The following APOL5 variants were observed in gnomAD, a reference collection of about 807,000 sequenced individuals.
APOL5 encodes apolipoprotein L5.
Under a neutral mutation model 35.5 loss-of-function variants are expected in APOL5, and 29 were observed. That is an observed-to-expected ratio of 0.82 (90% CI 0.61 to 1.11). The LOEUF (loss-of-function observed/expected upper bound fraction) is 1.11. APOL5 is among the 50% of genes most tolerant of loss of function. The pLI is 0.00. For synonymous variants in APOL5, 188 were observed against 200.2 expected, an observed-to-expected ratio of 0.94 and a Z score of 0.51; for missense variants, 514 against 530.4, an observed-to-expected ratio of 0.97 and a Z score of 0.30.
upstream of APOL5, among the ~76,000 whole-genome samples, chr22:35,714,704 G>A (rs934462286): frequency 1.1e-4 from 17 of 152,182 alleles, no homozygotes; most frequent in African/African-American, 4.8e-5. Context: ...CAGGGTGTCC[G>A]ACTGAGAAGA....
Position 35,720,604 on chromosome 22 carries a change from A to T in APOL5, c.92A>T (p.Lys31Met). ...GEGCKEMWLR[K>M]VIYGGEVWGK... Reference sequence around the variant, plus strand: ...GGTTGTAAAGAAATGTGGCTTCGAAAGGTAATCTACGGAGGTGAGGTCTGG... The same window carrying T: ...GGTTGTAAAGAAATGTGGCTTCGAATGGTAATCTACGGAGGTGAGGTCTGG... The change falls in exon 2 of 5, where the codon AAG becomes ATG. Residue 31 changes from lysine (K) to methionine (M), a missense_variant. Physicochemically the swap from Lys to Met is moderately conservative, Grantham distance 95 (BLOSUM62 -1). Coordinates refer to ENST00000249044, the MANE Select transcript of APOL5 (RefSeq NM_030642.1). 1 of 1,614,206 alleles carries T rather than the reference A, an allele frequency of 6.2e-7. No homozygotes were observed. The highest frequency in any genetic ancestry group is 8.5e-7 in the Non-Finnish European group (1 of 1,180,034).
chr22:35,728,528 T>C (rs1927257102), intron 3 of APOL5, among the ~76,000 whole-genome samples, 195 bp from the exon 4 acceptor site: 1 of 152,208 alleles, frequency 6.6e-6, no homozygotes, highest in African/African-American at 2.4e-5. Flanking sequence ...CGGCCGACTT[T>C]AGACATTTTT....
At chr22:35,708,844 T>C in the APOL5 span, among the ~76,000 whole-genome samples, 1 of 152,194 alleles carries the variant, frequency 6.6e-6, no homozygotes, top group Non-Finnish European at 1.5e-5. Flanking sequence ...TACTGTCATG[T>C]TGTGGGGACC....
upstream of APOL5, among the ~76,000 whole-genome samples, chr22:35,712,884 A>G (rs1323824939): frequency 6.6e-6 from 1 of 152,178 alleles, no homozygotes; most frequent in Non-Finnish European, 1.5e-5. Context: ...TGCCTCAAAA[A>G]CAAACTGCTT....
upstream of APOL5, among the ~76,000 whole-genome samples, chr22:35,716,966 A>G (rs1000301863): frequency 7.0e-6 from 1 of 142,446 alleles, no homozygotes; most frequent in African/African-American, 2.7e-5. Context: ...ACTTCAAATA[A>G]CTGGATGAAC....
chr22:35,716,969 G>A (rs1926763959), upstream of APOL5, among the ~76,000 whole-genome samples: 1 of 138,660 alleles, frequency 7.2e-6, no homozygotes, highest in African/African-American at 2.8e-5. Context: ...TCAAATAACT[G>A]GATGAACATC....
rs773535399 is a variant in APOL5 at position 35,727,212 on chromosome 22, A to G, written c.1126+18A>G. The stretch of plus-strand genomic sequence containing the variant: ...ACCAGAAGGTAGGAAGGCAGCGAAT[A>G]ACACGGACGTGGTCTTGCTCTTCTA... On this transcript the variant is annotated intron_variant, in intron 3 of 4. Coordinates refer to ENST00000249044, the MANE Select transcript of APOL5 (RefSeq NM_030642.1). The G allele has an allele frequency of 1.6e-5, 26 of 1,584,086 alleles. No homozygotes were observed. The South Asian group carries it at 2.3e-4, about 14-fold the overall frequency.
At chr22:35,721,998 T>A (rs1926986607) in intron 2 of APOL5, among the ~76,000 whole-genome samples, 1 of 152,208 alleles carries the variant, frequency 6.6e-6, no homozygotes, top group Non-Finnish European at 1.5e-5. Context: ...AGTTATTGAC[T>A]TCTCTGTGTC....
At chr22:35,718,272 G>A (rs535284125) in intron 1 of APOL5, among the ~76,000 whole-genome samples, 1 of 152,298 alleles carries the variant, frequency 6.6e-6, no homozygotes, top group South Asian at 2.1e-4. Flanking sequence ...CAGCAGGCAG[G>A]ACAAGGTGGC....
chr22:35,717,222 C>CAAAAAAA (rs71322978), upstream of APOL5, among the ~76,000 whole-genome samples: 5 of 66,880 alleles, frequency 7.5e-5, no homozygotes, highest in African/African-American at 3.9e-4. Flanking sequence ...TCCATCTCTA[C>CAAAAAAA]AAAAAAAAAA....
chr22:35,727,204 C>T lies in APOL5; in HGVS notation c.1126+10C>T, dbSNP rs768217644. The stretch of plus-strand genomic sequence containing the variant: ...GTGGTTAAACCAGAAGGTAGGAAGG[C>T]AGCGAATAACACGGACGTGGTCTTG... On this transcript the variant is annotated intron_variant, in intron 3 of 4. Transcript: ENST00000249044. 2.5e-6 allele frequency: 4 copies of T among 1,589,754 alleles called. No individual in the cohort carries two copies. Among genetic ancestry groups the T allele is most frequent in the Non-Finnish European group, 3.4e-6 (4 of 1,174,270 alleles).
intron 1 of APOL5, among the ~76,000 whole-genome samples, chr22:35,719,570 T>C (rs1201816753): frequency 6.6e-6 from 1 of 152,252 alleles, no homozygotes; most frequent in Non-Finnish European, 1.5e-5. Flanking sequence ...CAGAAGACTT[T>C]TGTGACTTAA....
At chr22:35,715,694 T>C (rs1926723473), upstream of APOL5, among the ~76,000 whole-genome samples, 1 of 152,172 alleles carries the variant, frequency 6.6e-6, no homozygotes, top group South Asian at 2.1e-4. Flanking sequence ...AAACTTAGTG[T>C]CATGAATGAT....
chr22:35,724,671 C>T (rs1340071942), intron 2 of APOL5, among the ~76,000 whole-genome samples: 2 of 151,934 alleles, frequency 1.3e-5, no homozygotes, highest in South Asian at 2.1e-4. Context: ...TGCTATGGCG[C>T]GATCTCGGCT....
In APOL5 at chr22:35,727,005, A is replaced by G. The variant is rs1927189575; in HGVS notation, c.937A>G (p.Ser313Gly). ...GAAAGACATGAGCAGCTTCCTGCAG[A>G]GCTGGAAGCACCTGGAGGATGGGGC... ...LMKDMSSFLQ[S>G]WKHLEDGART... Residue 313 changes from serine to glycine, a missense_variant, in exon 3 of 5, where the codon AGC (serine) becomes GGC (glycine). Physicochemically the swap from Ser to Gly is moderately conservative, Grantham distance 56. Transcript: ENST00000249044. 22 of 1,614,118 alleles carry G rather than the reference A, an allele frequency of 1.4e-5. No individual in the cohort carries two copies. The highest frequency in any genetic ancestry group is 1.9e-5 in the Non-Finnish European group (22 of 1,179,982).
chr22:35,713,155 A>G (rs1159973221), upstream of APOL5, among the ~76,000 whole-genome samples: 1 of 152,212 alleles, frequency 6.6e-6, no homozygotes, highest in East Asian at 1.9e-4. Context: ...AGCCCTGCTC[A>G]TTCCCATTGC....
At chr22:35,728,254 C>G (rs775239978) in intron 3 of APOL5, among the ~76,000 whole-genome samples, 5 of 152,166 alleles carry the variant, frequency 3.3e-5, no homozygotes, top group African/African-American at 7.2e-5. Context: ...GACGGAGTCT[C>G]GCTCTGTTGC....
the APOL5 span, among the ~76,000 whole-genome samples, chr22:35,709,553 C>T: frequency 6.6e-6 from 1 of 152,198 alleles, no homozygotes; most frequent in Non-Finnish European, 1.5e-5. Flanking sequence ...CCTGCTGCCA[C>T]CATTCAGCAA....
chr22:35,717,235 A>AATATATATATAT (rs1555930034), upstream of APOL5, among the ~76,000 whole-genome samples: 181 of 57,280 alleles, frequency 3.2e-3, 5 homozygotes, highest in East Asian at 0.043. Flanking sequence ...AAAAAAAAAA[A>AATATATATATAT]ATATATATAT....
Sources: gnomAD v4.1 joint callset for allele counts (sites outside exome capture counted in the v4.1 genomes callset) on GRCh38, gnomAD v4.1.1 for gene constraint, MANE v1.5 for transcripts, NCBI Gene and HGNC (gene_info 2026-07-23, HGNC 2026-07-21) for gene names.